ATP6V0A4: variants seen among roughly 807,000 people sequenced by gnomAD.
ATP6V0A4 encodes the protein ATPase H+ transporting V0 subunit a4, also known as V-type proton ATPase 116 kDa subunit a 4.
ATP6V0A4 carries 86 observed loss-of-function variants against 107.3 expected under a neutral mutation model. That is an observed-to-expected ratio of 0.80 (90% CI 0.67 to 0.96). The LOEUF is 0.96. Ranked by LOEUF, ATP6V0A4 falls within the 40% of genes least tolerant of loss-of-function variation. ATP6V0A4 has a pLI of 0.00. For missense variants in ATP6V0A4, 908 were observed against 1,045.6 expected, an observed-to-expected ratio of 0.87 and a Z score of 1.81; for synonymous variants, 353 against 381.4, an observed-to-expected ratio of 0.93 and a Z score of 0.87.
intron 6 of ATP6V0A4, 152 bp from the exon 7 acceptor site, chr7:138,762,586 C>A: frequency 7.2e-7 from 1 of 1,393,284 alleles, no homozygotes; most frequent in Non-Finnish European, 9.6e-7. Flanking sequence ...CTGGCCAGAT[C>A]AAAAAGCTTC....
intron 19 of ATP6V0A4, among the ~76,000 whole-genome samples, chr7:138,719,493 T>G (rs1804319488): frequency 6.6e-6 from 1 of 152,196 alleles, no homozygotes; most frequent in Non-Finnish European, 1.5e-5. Context: ...CATCCACCAA[T>G]CAATCATCAG....
At chr7:138,797,219 T>C (rs1430378186) in intron 1 of ATP6V0A4, among the ~76,000 whole-genome samples, 370 of 148,170 alleles carry the variant, frequency 2.5e-3, no homozygotes, top group African/African-American at 9.0e-3. Context: ...TTTTTTTTTT[T>C]TTTTTTTTTT....
chr7:138,797,377 C>T (rs1808733344), intron 1 of ATP6V0A4, among the ~76,000 whole-genome samples: 2 of 151,966 alleles, frequency 1.3e-5, no homozygotes, highest in Admixed American at 1.3e-4. Context: ...ACCACCACAC[C>T]TGGCTAATTT....
At chr7:138,792,008 T>C (rs562312605) in intron 1 of ATP6V0A4, among the ~76,000 whole-genome samples, 1 of 152,138 alleles carries the variant, frequency 6.6e-6, no homozygotes, top group Non-Finnish European at 1.5e-5. Flanking sequence ...TACAATGGTA[T>C]AAAAATCAGG....
chr7:138,739,581 C>A lies in ATP6V0A4; in HGVS notation c.1531G>T (p.Gly511Ter). The A allele has an allele frequency of 6.2e-7, 1 of 1,614,184 alleles. No individual in the cohort carries two copies. The highest frequency in any genetic ancestry group is 1.1e-5 in the South Asian group (1 of 91,084). Reference protein sequence around the residue: ...LYLQLDPAIPGVYFGNPYPFG... With the variant: ...LYLQLDPAIP Reference sequence around the variant, plus strand: ...GGGTATGGATTTCCAAAATACACTCCTGGTATGGCTGGGTCCAGCTGCAGA... The same window carrying A: ...GGGTATGGATTTCCAAAATACACTCATGGTATGGCTGGGTCCAGCTGCAGA... Residue 511 changes from glycine to a stop codon, truncating the protein, a stop_gained, in exon 15 of 22, where the codon GGA becomes TGA. Coordinates refer to ENST00000310018, the MANE Select transcript of ATP6V0A4 (RefSeq NM_020632.3). LOFTEE classifies it high-confidence loss of function.
At chr7:138,778,482 T>C (rs1174487314) in intron 2 of ATP6V0A4, among the ~76,000 whole-genome samples, 2 of 151,868 alleles carry the variant, frequency 1.3e-5, no homozygotes, top group Non-Finnish European at 2.9e-5. Flanking sequence ...AAGTCTGAAA[T>C]CTAAAACACT....
intron 14 of ATP6V0A4, among the ~76,000 whole-genome samples, chr7:138,739,952 G>A (rs965176730): frequency 6.6e-6 from 1 of 152,124 alleles, no homozygotes; most frequent in African/African-American, 2.4e-5. Context: ...AGACCAGCTG[G>A]TTGTGGTGGC....
intron 13 of ATP6V0A4, among the ~76,000 whole-genome samples, chr7:138,746,846 A>G (rs1465606389): frequency 6.6e-6 from 1 of 152,182 alleles, no homozygotes; most frequent in Non-Finnish European, 1.5e-5. Flanking sequence ...GAGTTGTCTC[A>G]GCCTTCACAG....
At chr7:138,726,005 T>TTTG (rs1804694439) in intron 18 of ATP6V0A4, among the ~76,000 whole-genome samples, 1 of 114,708 alleles carries the variant, frequency 8.7e-6, no homozygotes, top group African/African-American at 3.4e-5. Context: ...TTATTTATTT[T>TTTG]TTGAGACAGA....
chr7:138,727,544 G>T (rs554068137), intron 18 of ATP6V0A4, among the ~76,000 whole-genome samples: 1 of 152,150 alleles, frequency 6.6e-6, no homozygotes, highest in East Asian at 1.9e-4. Context: ...GAGACAGTGG[G>T]AGGAGAGGCA....
chr7:138,756,586 T>C (rs1216172241), intron 8 of ATP6V0A4, 46 bp from the exon 9 acceptor site: 1 of 1,590,700 alleles, frequency 6.3e-7, no homozygotes, highest in Admixed American at 1.7e-5. Context: ...GGTTTCTTTC[T>C]GGTTAAAACA....
At chr7:138,725,591 C>T (rs980598825) in intron 18 of ATP6V0A4, among the ~76,000 whole-genome samples, 1 of 152,058 alleles carries the variant, frequency 6.6e-6, no homozygotes. Flanking sequence ...CAGCTCACTG[C>T]CATCTCCACC....
chr7:138,736,321 T>G (rs1451762555), intron 15 of ATP6V0A4, among the ~76,000 whole-genome samples: 1 of 152,212 alleles, frequency 6.6e-6, no homozygotes, highest in African/African-American at 2.4e-5. Flanking sequence ...AATTTAGATG[T>G]GTTTATCTCA....
At chr7:138,745,320 T>G in intron 13 of ATP6V0A4, 40 bp from the exon 14 acceptor site, 1 of 1,612,848 alleles carries the variant, frequency 6.2e-7, no homozygotes, top group Non-Finnish European at 8.5e-7. Flanking sequence ...GTCAGTGGGC[T>G]CTGAAGCAGA....
intron 14 of ATP6V0A4, among the ~76,000 whole-genome samples, chr7:138,744,528 G>A (rs368769795): frequency 3.5e-4 from 52 of 150,498 alleles, no homozygotes; most frequent in African/African-American, 1.1e-3. Context: ...GTAAGCCACC[G>A]TGCCCAGCCT....
At chr7:138,732,852 A>G (rs756800454) in intron 17 of ATP6V0A4, 25 bp downstream of exon 17, 3 of 580,618 alleles carry the variant, frequency 5.2e-6, no homozygotes, top group African/African-American at 1.5e-4. Context: ...AAAGAAGAGT[A>G]AAAAAAAAAA....
At chr7:138,730,330 G>C (rs1217222584) in intron 17 of ATP6V0A4, among the ~76,000 whole-genome samples, 3 of 143,712 alleles carry the variant, frequency 2.1e-5, no homozygotes, top group African/African-American at 7.8e-5. Flanking sequence ...GACGTACAAA[G>C]CAACGGGATG....
chr7:138,746,730 CT>C lies in ATP6V0A4; in HGVS notation c.1320+694del, dbSNP rs368115679. 1.8e-3 allele frequency among the ~76,000 whole-genome samples: 269 copies of C among 152,284 alleles called. 2 individuals are homozygous for C. Among genetic ancestry groups the C allele is most frequent in the African/African-American group, 6.2e-3 (258 of 41,568 alleles). On this transcript the variant is annotated intron_variant, in intron 13 of 21. Transcript: ENST00000310018. ...TGTTGGCCACGTTGGCCTCGAACCC[CT>C]GATCTCAAATGACCCACCCACCATG...
intron 15 of ATP6V0A4, among the ~76,000 whole-genome samples, chr7:138,735,002 CAAGCACGATGCGT>C (rs1279812804): frequency 6.6e-6 from 1 of 152,104 alleles, no homozygotes; most frequent in Non-Finnish European, 1.5e-5. Context: ...CCAATCTTTG[CAAGCACGATGCGT>C]AAGACACAGT....
Sources: allele counts gnomAD v4.1 joint callset (sites outside exome capture counted in the v4.1 genomes callset), GRCh38; gene constraint gnomAD v4.1.1; transcripts MANE v1.5; gene names NCBI Gene and HGNC (gene_info 2026-07-23, HGNC 2026-07-21).